MAGI2: variants seen among roughly 807,000 people sequenced by gnomAD.
MAGI2 encodes membrane associated guanylate kinase, WW and PDZ domain containing 2, also known as membrane-associated guanylate kinase, WW and PDZ domain-containing protein 2.
A neutral mutation model predicts 133.3 loss-of-function variants in MAGI2; 35 were observed. The ratio of observed to expected loss-of-function variants is 0.26; its 90% CI spans 0.20 to 0.35. The LOEUF (loss-of-function observed/expected upper bound fraction) is 0.35, where lower values mean the gene tolerates loss of function less well. Among genes scored for constraint, MAGI2 ranks in the 10% least tolerant of loss-of-function variants. The probability of loss-of-function intolerance (pLI) is 1.00; values close to 1 mark genes in which losing one functional copy is unlikely to be tolerated. For missense variants in MAGI2, 1,636 were observed against 1,863.4 expected (o/e 0.88, Z 2.25); for synonymous variants, 729 against 710.6 (o/e 1.03, Z -0.41).
chr7:79,274,451 C>T (rs1835091911), intron 1 of MAGI2, among the ~76,000 whole-genome samples: 1 of 151,912 alleles, frequency 6.6e-6, no homozygotes, highest in African/African-American at 2.4e-5. Flanking sequence ...ATCCGCTTCC[C>T]CACAGGGAAG....
chr7:78,769,224 T>C (rs572188449), intron 2 of MAGI2, among the ~76,000 whole-genome samples: 2 of 152,034 alleles, frequency 1.3e-5, no homozygotes, highest in African/African-American at 4.8e-5. Context: ...AAACACAGCT[T>C]TTTACTTTCA....
At chr7:78,656,124 G>C (rs1812250586) in intron 2 of MAGI2, among the ~76,000 whole-genome samples, 1 of 151,800 alleles carries the variant, frequency 6.6e-6, no homozygotes, top group African/African-American at 2.4e-5. Context: ...CATTATACTA[G>C]AGTGGTCAAA....
intron 1 of MAGI2, among the ~76,000 whole-genome samples, chr7:79,333,719 T>C (rs569935066): frequency 3.4e-4 from 52 of 152,250 alleles, no homozygotes; most frequent in African/African-American, 1.1e-3. Context: ...AATTAATTTG[T>C]TAACCAGAGT....
At chr7:78,132,424 G>A (rs150609345) in intron 18 of MAGI2, among the ~76,000 whole-genome samples, 8 of 152,334 alleles carry the variant, frequency 5.3e-5, no homozygotes, top group Non-Finnish European at 8.8e-5. Context: ...TGCACTTAAA[G>A]ATCAAAACAT....
intron 9 of MAGI2, among the ~76,000 whole-genome samples, chr7:78,317,032 C>T (rs1787483384): frequency 7.3e-6 from 1 of 136,846 alleles, no homozygotes; most frequent in Non-Finnish European, 1.6e-5. Context: ...TTGCTTATTT[C>T]CCAAATGGCA....
At chr7:78,710,041 T>A (rs1024761875) in intron 2 of MAGI2, among the ~76,000 whole-genome samples, 1 of 152,168 alleles carries the variant, frequency 6.6e-6, no homozygotes, top group African/African-American at 2.4e-5. Flanking sequence ...GGAGGGTAAA[T>A]GCAGCCCTCA....
chr7:78,744,303 T>G (rs1206360799), intron 2 of MAGI2, among the ~76,000 whole-genome samples: 3 of 152,176 alleles, frequency 2.0e-5, no homozygotes, highest in African/African-American at 7.2e-5. Context: ...TTGTTTAGTA[T>G]CATTAGTTTT....
intron 9 of MAGI2, among the ~76,000 whole-genome samples, chr7:78,333,491 G>C (rs1360881495): frequency 6.6e-6 from 1 of 152,174 alleles, no homozygotes; most frequent in Non-Finnish European, 1.5e-5. Context: ...CCAAAGAGTA[G>C]AAAAGTTGCA....
chr7:78,135,158 C>A lies in MAGI2; in HGVS notation c.2894G>T (p.Arg965Leu), dbSNP rs375824054. The A allele has an allele frequency of 6.2e-7, 1 of 1,614,116 alleles. No individual in the cohort carries two copies. The highest frequency in any genetic ancestry group is 8.5e-7 in the Non-Finnish European group (1 of 1,180,012). Residue 965 changes from arginine (R) to leucine (L), a missense_variant, in exon 17 of 22, where the codon CGC becomes CTC. Around this residue, in one of 5 missense-constraint regions of MAGI2, gnomAD observed 920 missense variants for 1,093.5 expected, o/e 0.84. Coordinates refer to ENST00000354212, the MANE Select transcript of MAGI2 (RefSeq NM_012301.4). ...GRIIDGSPAD[R>L]CAKLKVGDRI... ...GTCTCCCACTTTTAGTTTTGCACAG[C>A]GATCTGCAGGACTCCCATCAATGAT...
intron 1 of MAGI2, among the ~76,000 whole-genome samples, chr7:79,257,981 A>G (rs909933453): frequency 6.6e-6 from 1 of 152,214 alleles, no homozygotes; most frequent in African/African-American, 2.4e-5. Flanking sequence ...CTCCTTAATC[A>G]TACATTTTGC....
intron 1 of MAGI2, among the ~76,000 whole-genome samples, chr7:79,364,456 A>G (rs1418416817): frequency 1.3e-5 from 2 of 152,092 alleles, no homozygotes; most frequent in Non-Finnish European, 2.9e-5. Context: ...TGTACACTAT[A>G]CATATATAAC....
chr7:78,687,221 T>A (rs1282748804), intron 2 of MAGI2, among the ~76,000 whole-genome samples: 2 of 152,118 alleles, frequency 1.3e-5, no homozygotes, highest in East Asian at 3.9e-4. Flanking sequence ...GACCCAAAGC[T>A]TTTCCTGTTA....
intron 1 of MAGI2, among the ~76,000 whole-genome samples, chr7:79,374,446 C>T (rs1489488140): frequency 6.6e-6 from 1 of 151,804 alleles, no homozygotes; most frequent in African/African-American, 2.4e-5. Flanking sequence ...GGAAAAGAGC[C>T]CTCACTCTGT....
chr7:79,316,816 C>T (rs1838759388), intron 1 of MAGI2, among the ~76,000 whole-genome samples: 1 of 152,062 alleles, frequency 6.6e-6, no homozygotes, highest in African/African-American at 2.4e-5. Context: ...TTAATCCTCA[C>T]AGTTATCCTG....
At chr7:78,980,982 G>C (rs1804734887) in intron 2 of MAGI2, among the ~76,000 whole-genome samples, 2 of 151,232 alleles carry the variant, frequency 1.3e-5, no homozygotes, top group African/African-American at 4.9e-5. Flanking sequence ...TAATCTTCTT[G>C]TCTTTGTTGT....
chr7:78,920,376 C>T (rs1280127429), intron 2 of MAGI2, among the ~76,000 whole-genome samples: 1 of 152,076 alleles, frequency 6.6e-6, no homozygotes, highest in Non-Finnish European at 1.5e-5. Flanking sequence ...GGTGAGTACT[C>T]AATAAATCTT....
chr7:78,734,396 C>G (rs1821649155), intron 2 of MAGI2, among the ~76,000 whole-genome samples: 1 of 152,150 alleles, frequency 6.6e-6, no homozygotes, highest in South Asian at 2.1e-4. Flanking sequence ...ACTGAGAAAG[C>G]AGTTGCCTAA....
At chr7:78,348,082 G>A (rs757505724) in intron 7 of MAGI2, among the ~76,000 whole-genome samples, 18 of 152,112 alleles carry the variant, frequency 1.2e-4, no homozygotes, top group Non-Finnish European at 2.5e-4. Flanking sequence ...CATTTCTGTA[G>A]CTTCACCTTT....
At chr7:79,113,476 A>G (rs939994948) in intron 1 of MAGI2, among the ~76,000 whole-genome samples, 12 of 152,162 alleles carry the variant, frequency 7.9e-5, no homozygotes, top group Non-Finnish European at 2.9e-5. Context: ...ACACAACTCT[A>G]AGTTTTGCTG....
Sources: gnomAD v4.1 joint callset for allele counts (sites outside exome capture counted in the v4.1 genomes callset) on GRCh38, gnomAD v4.1.1 for gene constraint, gnomAD v4.1.1 regional missense constraint, MANE v1.5 for transcripts, NCBI Gene and HGNC (gene_info 2026-07-23, HGNC 2026-07-21) for gene names.